The following CSMD1 variants were observed in gnomAD, a reference collection of about 807,000 sequenced individuals.
The protein encoded by CSMD1 is CUB and sushi domain-containing protein 1.
Under a neutral mutation model 417.5 loss-of-function variants are expected in CSMD1, and 213 were observed. That is an observed-to-expected ratio of 0.51 (90% CI 0.46 to 0.57). The LOEUF is 0.57. Among genes scored for constraint, CSMD1 ranks in the 20% least tolerant of loss-of-function variants. CSMD1 has a pLI of 0.00. For missense variants in CSMD1, 6,923 were observed against 4,529.7 expected (o/e 1.53, Z -15.17); for synonymous variants, 2,862 against 1,736.8 (o/e 1.65, Z -16.11).
intron 3 of CSMD1, among the ~76,000 whole-genome samples, chr8:4,228,328 G>A (rs1257666315): frequency 6.6e-6 from 1 of 152,134 alleles, no homozygotes; most frequent in African/African-American, 2.4e-5. Flanking sequence ...TTTATTCTCT[G>A]TCTCTAATTC....
intron 1 of CSMD1, among the ~76,000 whole-genome samples, chr8:4,821,988 C>T (rs1053910821): frequency 7.2e-5 from 11 of 151,986 alleles, no homozygotes; most frequent in African/African-American, 1.7e-4. Context: ...AATAAAGTTC[C>T]TCTGTAATGC....
intron 2 of CSMD1, among the ~76,000 whole-genome samples, chr8:4,490,226 G>C (rs1355969208): frequency 1.3e-5 from 2 of 152,042 alleles, no homozygotes; most frequent in East Asian, 3.9e-4. Flanking sequence ...ATTCTTAGTA[G>C]AGACAGGGTT....
chr8:3,229,347 G>C (rs951370608), intron 27 of CSMD1, among the ~76,000 whole-genome samples: 25 of 152,142 alleles, frequency 1.6e-4, no homozygotes, highest in African/African-American at 5.8e-4. Context: ...TATACTCTAA[G>C]TACGAATTTT....
At chr8:4,446,548 G>C (rs896082669) in intron 2 of CSMD1, among the ~76,000 whole-genome samples, 1 of 152,020 alleles carries the variant, frequency 6.6e-6, no homozygotes, top group Non-Finnish European at 1.5e-5. Flanking sequence ...CCCCGGTTCT[G>C]CTTTGTTTTG....
chr8:4,907,589 T>C (rs1222963162), intron 1 of CSMD1, among the ~76,000 whole-genome samples: 1 of 152,170 alleles, frequency 6.6e-6, no homozygotes, highest in Non-Finnish European at 1.5e-5. Flanking sequence ...AGACAGGTTT[T>C]CACTCTGTTA....
rs184586625 is a variant in CSMD1, at chr8:4,052,540, G to A, written c.416-20441C>T. ...AAATTTAGTTTGCTAGAACGTCAAT[G>A]CACCAAATTTGAGGAAGCAAGCTGA... On this transcript the variant is annotated intron_variant, in intron 3 of 69. Transcript: ENST00000635120. Among the ~76,000 whole-genome samples the A allele has an allele frequency of 3.3e-5, 5 of 152,116 alleles. No individual in the cohort carries two copies. The South Asian group carries it at 1.0e-3, about 32-fold the overall frequency.
intron 3 of CSMD1, among the ~76,000 whole-genome samples, chr8:4,226,939 A>G (rs1215923420): frequency 6.6e-6 from 1 of 152,186 alleles, no homozygotes; most frequent in African/African-American, 2.4e-5. Flanking sequence ...TTTATTTCAT[A>G]AGGCTGCTTA....
At chr8:3,342,856 T>C (rs976723692) in intron 23 of CSMD1, among the ~76,000 whole-genome samples, 2 of 150,806 alleles carry the variant, frequency 1.3e-5, no homozygotes, top group African/African-American at 4.9e-5. Flanking sequence ...TGTGTGTGTG[T>C]GCTTATACAT....
At chr8:4,558,227 G>C (rs549863485) in intron 2 of CSMD1, among the ~76,000 whole-genome samples, 28 of 152,254 alleles carry the variant, frequency 1.8e-4, no homozygotes, top group Non-Finnish European at 2.9e-4. Flanking sequence ...TATCACTTTA[G>C]TCAGTAAAGA....
At chr8:3,129,115 A>T (rs1817660570) in intron 41 of CSMD1, among the ~76,000 whole-genome samples, 1 of 152,206 alleles carries the variant, frequency 6.6e-6, no homozygotes, top group Non-Finnish European at 1.5e-5. Context: ...AAACTAGAGG[A>T]GGCCCTGAAG....
At chr8:3,650,268 ACT>A (rs1411752707) in intron 7 of CSMD1, among the ~76,000 whole-genome samples, 1 of 150,956 alleles carries the variant, frequency 6.6e-6, no homozygotes, top group African/African-American at 2.4e-5. Flanking sequence ...ACAGAGCAAG[ACT>A]CTTTCTCAGA....
intron 2 of CSMD1, among the ~76,000 whole-genome samples, chr8:4,516,637 G>C (rs1319143027): frequency 1.3e-5 from 2 of 152,068 alleles, no homozygotes; most frequent in Admixed American, 6.5e-5. Flanking sequence ...AAAACCTGTT[G>C]TGTGATCCTG....
At chr8:4,570,961 T>G (rs536152874) in intron 2 of CSMD1, among the ~76,000 whole-genome samples, 4 of 152,326 alleles carry the variant, frequency 2.6e-5, no homozygotes, top group African/African-American at 9.6e-5. Context: ...TGGTGGTACT[T>G]TGTATTTCTG....
intron 1 of CSMD1, among the ~76,000 whole-genome samples, chr8:4,778,979 T>C (rs1313090073): frequency 2.6e-5 from 4 of 152,206 alleles, no homozygotes; most frequent in East Asian, 1.9e-4. Context: ...TTAGAAAGAA[T>C]TGATAGGTGG....
At chr8:4,637,308 G>T in intron 2 of CSMD1, 34 bp downstream of exon 2, 2 of 1,475,706 alleles carry the variant, frequency 1.4e-6, no homozygotes, top group Middle Eastern at 3.5e-4. Flanking sequence ...TATTCAAACA[G>T]TGCTAACTGT....
chr8:3,339,925 C>A (rs2589292), intron 23 of CSMD1, among the ~76,000 whole-genome samples: 33,432 of 152,042 alleles, frequency 0.22, 4,050 homozygotes, highest in East Asian at 0.34. Context: ...TGTTTTCTAA[C>A]GAAGGTACAC....
intron 1 of CSMD1, among the ~76,000 whole-genome samples, chr8:4,805,464 C>G (rs907754206): frequency 6.6e-6 from 1 of 152,070 alleles, no homozygotes; most frequent in African/African-American, 2.4e-5. Flanking sequence ...GGTTGAGAAG[C>G]CTGCGTCGAG....
chr8:3,945,559 G>A (rs930755170), intron 5 of CSMD1, among the ~76,000 whole-genome samples: 1 of 151,990 alleles, frequency 6.6e-6, no homozygotes, highest in Non-Finnish European at 1.5e-5. Flanking sequence ...TGAGAGACAA[G>A]TTTAAAAAAA....
chr8:4,509,220 T>A (rs544563460), intron 2 of CSMD1, among the ~76,000 whole-genome samples: 1 of 152,242 alleles, frequency 6.6e-6, no homozygotes, highest in South Asian at 2.1e-4. Flanking sequence ...CAAGATGAAG[T>A]TTACTGCATA....
Sources: gnomAD v4.1 joint callset for allele counts (sites outside exome capture counted in the v4.1 genomes callset) on GRCh38, gnomAD v4.1.1 for gene constraint, MANE v1.5 for transcripts, NCBI Gene and HGNC (gene_info 2026-07-23, HGNC 2026-07-21) for gene names.